CDH12: variants seen among roughly 807,000 people sequenced by gnomAD.
The protein encoded by CDH12 is cadherin 12.
CDH12 carries 41 observed loss-of-function variants against 74.1 expected under a neutral mutation model. That is an observed-to-expected ratio of 0.55 (90% CI 0.43 to 0.72). The LOEUF is 0.72. Among genes scored for constraint, CDH12 ranks in the 30% least tolerant of loss-of-function variants. The pLI is 0.00. For missense variants in CDH12, 945 were observed against 977.2 expected, an observed-to-expected ratio of 0.97 and a Z score of 0.44; for synonymous variants, 399 against 355.0, an observed-to-expected ratio of 1.12 and a Z score of -1.39.
At chr5:22,192,114 G>C (rs1305609053) in intron 4 of CDH12, among the ~76,000 whole-genome samples, 1 of 151,362 alleles carries the variant, frequency 6.6e-6, no homozygotes, top group Non-Finnish European at 1.5e-5. Context: ...TTGTTTTTTT[G>C]GTAGAGACAA....
At chr5:22,831,895 C>T (rs539109505) in intron 1 of CDH12, among the ~76,000 whole-genome samples, 1 of 151,180 alleles carries the variant, frequency 6.6e-6, no homozygotes, top group East Asian at 1.9e-4. Context: ...AGACTCTGTC[C>T]CCCCCAAAAA....
intron 2 of CDH12, among the ~76,000 whole-genome samples, chr5:22,472,427 T>A (rs1018067591): frequency 1.3e-5 from 2 of 152,122 alleles, no homozygotes; most frequent in African/African-American, 4.8e-5. Flanking sequence ...TGACTGTCAG[T>A]GCCAACTATA....
chr5:22,017,364 A>G (rs1293058259), intron 5 of CDH12, among the ~76,000 whole-genome samples: 2 of 152,096 alleles, frequency 1.3e-5, no homozygotes, highest in African/African-American at 2.4e-5. Context: ...AATTCCAGAT[A>G]AAGGGAACTG....
chr5:22,535,164 T>C (rs994110085), intron 1 of CDH12, among the ~76,000 whole-genome samples: 2 of 142,738 alleles, frequency 1.4e-5, no homozygotes, highest in Non-Finnish European at 3.1e-5. Flanking sequence ...TTTTCTTTTT[T>C]TTTTTTTTTT....
At chr5:22,177,267 T>TC (rs1185851332) in intron 4 of CDH12, among the ~76,000 whole-genome samples, 2 of 152,154 alleles carry the variant, frequency 1.3e-5, no homozygotes, top group Non-Finnish European at 2.9e-5. Context: ...CCTATTTTTT[T>TC]CATACAGAAG....
intron 11 of CDH12, among the ~76,000 whole-genome samples, chr5:21,780,598 G>T (rs1296672856): frequency 1.3e-5 from 2 of 152,198 alleles, no homozygotes; most frequent in East Asian, 1.9e-4. Flanking sequence ...GGTTAGATTA[G>T]ATAGTTTTCT....
At position 22,244,787 on chromosome 5, in the gene CDH12, A is replaced by AGAAAGAAAGAAAGAAG. The variant is rs1752885370; in HGVS notation, c.-332-32145_-332-32144insCTTCTTTCTTTCTTTC. On this transcript the variant is annotated intron_variant, in intron 3 of 14. Coordinates refer to ENST00000382254, the MANE Select transcript of CDH12 (RefSeq NM_004061.5). ...AAGAAAGAAAGAAAGAAAGAAAGAA[A>AGAAAGAAAGAAAGAAG]GAAAGAAAGAAAGAAAAATTCAAAG... 1.5e-5 allele frequency among the ~76,000 whole-genome samples: 2 copies of AGAAAGAAAGAAAGAAG among 129,890 alleles called. 1 individual carries two copies. The highest frequency in any genetic ancestry group is 5.6e-5 in the African/African-American group (2 of 35,762). 85.2% of individuals were successfully genotyped at this position (129,890 alleles called of 152,430 possible). A position where few individuals can be genotyped will look rare whatever the true frequency, so the allele number is the denominator to read the frequency against.
intron 1 of CDH12, among the ~76,000 whole-genome samples, chr5:22,813,378 A>T (rs1283324258): frequency 6.6e-6 from 1 of 152,128 alleles, no homozygotes; most frequent in Non-Finnish European, 1.5e-5. Context: ...CCTACCTATC[A>T]TTTAGAACCT....
chr5:22,215,430 C>A (rs543961581), intron 3 of CDH12, among the ~76,000 whole-genome samples: 14 of 151,932 alleles, frequency 9.2e-5, no homozygotes, highest in East Asian at 5.8e-4. Context: ...TATGATTTAG[C>A]AGAAAAAAAA....
chr5:21,872,849 GATCT>G lies in CDH12; in HGVS notation c.527-18063_527-18060del, dbSNP rs1167801906. Among the ~76,000 whole-genome samples the G allele has an allele frequency of 5.4e-5, 7 of 129,860 alleles. No homozygotes were observed. The South Asian group carries it at 1.6e-3, about 29-fold the overall frequency. 85.2% of individuals were successfully genotyped at this position (129,860 alleles called of 152,430 possible). A position where few individuals can be genotyped will look rare whatever the true frequency, so the allele number is the denominator to read the frequency against. The stretch of plus-strand genomic sequence containing the variant: ...ATCTATCTATCATCTATTATCTATC[GATCT>G]ATCATCTATCTACCTATATATCAAT... On this transcript the variant is annotated intron_variant, in intron 6 of 14. Transcript: ENST00000382254.
At chr5:22,825,203 C>T (rs561213673) in intron 1 of CDH12, among the ~76,000 whole-genome samples, 9 of 152,110 alleles carry the variant, frequency 5.9e-5, no homozygotes, top group African/African-American at 1.2e-4. Context: ...TTAAAAAATA[C>T]CCTCTGTCTT....
At chr5:22,707,805 T>C (rs923644648) in intron 1 of CDH12, among the ~76,000 whole-genome samples, 1 of 152,144 alleles carries the variant, frequency 6.6e-6, no homozygotes, top group African/African-American at 2.4e-5. Context: ...GCTAAAACTT[T>C]TTTTTTCTAA....
At chr5:22,242,910 T>A (rs924446738) in intron 3 of CDH12, among the ~76,000 whole-genome samples, 2 of 152,200 alleles carry the variant, frequency 1.3e-5, no homozygotes, top group African/African-American at 4.8e-5. Flanking sequence ...TGTTTCGTGT[T>A]GTAGATGCTT....
intron 4 of CDH12, among the ~76,000 whole-genome samples, chr5:22,101,837 C>T (rs1003970056): frequency 2.6e-5 from 4 of 152,136 alleles, no homozygotes; most frequent in African/African-American, 9.7e-5. Flanking sequence ...TGGCAAACTT[C>T]TGAGAAAGAC....
intron 1 of CDH12, among the ~76,000 whole-genome samples, chr5:22,645,315 T>C (rs1017221070): frequency 3.9e-5 from 6 of 152,086 alleles, no homozygotes; most frequent in Non-Finnish European, 8.8e-5. Flanking sequence ...CTCTTCTGTA[T>C]GACTTTGAGG....
chr5:22,143,368 C>CTTTTT (rs1226376777), intron 4 of CDH12: 1 of 102,566 alleles, frequency 9.7e-6, no homozygotes, highest in Non-Finnish European at 2.0e-5. Flanking sequence ...TATAATATTC[C>CTTTTT]TTTTTTTTTT....
At chr5:22,580,002 T>A (rs576466381) in intron 1 of CDH12, among the ~76,000 whole-genome samples, 14 of 152,160 alleles carry the variant, frequency 9.2e-5, no homozygotes, top group Admixed American at 4.6e-4. Context: ...AGCTACTTTT[T>A]TCCCCGCTCA....
intron 5 of CDH12, among the ~76,000 whole-genome samples, chr5:21,996,307 T>C (rs1344868514): frequency 1.3e-5 from 2 of 152,120 alleles, no homozygotes; most frequent in Non-Finnish European, 2.9e-5. Context: ...ATACTTGTGA[T>C]CAGGTATTGC....
intron 4 of CDH12, among the ~76,000 whole-genome samples, chr5:22,132,190 C>A (rs1315894060): frequency 1.3e-5 from 2 of 151,906 alleles, no homozygotes; most frequent in Non-Finnish European, 2.9e-5. Flanking sequence ...GCTACAACCT[C>A]CTTCCACTGT....
Sources: allele counts gnomAD v4.1 joint callset (sites outside exome capture counted in the v4.1 genomes callset), GRCh38; gene constraint gnomAD v4.1.1; transcripts MANE v1.5; gene names NCBI Gene and HGNC (gene_info 2026-07-23, HGNC 2026-07-21).